The following PATJ variants were observed in gnomAD, a reference collection of about 807,000 sequenced individuals.
The protein encoded by PATJ is inaD-like protein.
In PATJ, 190 loss-of-function variants were observed where a neutral mutation model predicts 224.9. The observed-to-expected ratio is 0.84, with a 90% confidence interval of 0.75 to 0.95. The LOEUF (loss-of-function observed/expected upper bound fraction) is 0.95. PATJ is among the 40% of genes least tolerant of loss of function. The pLI is 0.00. For synonymous variants in PATJ, 769 were observed against 820.3 expected, an observed-to-expected ratio of 0.94 and a Z score of 1.07; for missense variants, 2,121 against 2,270.3, an observed-to-expected ratio of 0.93 and a Z score of 1.34.
At chr1:61,978,782 T>C (rs570502384) in intron 27 of PATJ, among the ~76,000 whole-genome samples, 1 of 152,184 alleles carries the variant, frequency 6.6e-6, no homozygotes, top group South Asian at 2.1e-4. Context: ...CTTTGTTATT[T>C]GGAAACAGAC....
At chr1:62,156,531 A>T (rs1459237727) in intron 43 of PATJ, among the ~76,000 whole-genome samples, 5 of 151,010 alleles carry the variant, frequency 3.3e-5, no homozygotes, top group Admixed American at 2.0e-4. Flanking sequence ...CTCAGTCTCA[A>T]AAAAAAAACC....
rs561434108 is a variant in PATJ, at chr1:62,157,368, A to G, written c.5503-3540A>G. On this transcript the variant is annotated intron_variant, in intron 43 of 43. Coordinates refer to ENST00000642238, the MANE Select transcript of PATJ (RefSeq NM_001350145.3). ...CTCAACTAAGAAATTATTTAATTCAACCCCTCCAGAAATTATTTAATTCAG... is the reference window on the plus strand; with the variant it reads ...CTCAACTAAGAAATTATTTAATTCAGCCCCTCCAGAAATTATTTAATTCAG... 4.0e-4 allele frequency among the ~76,000 whole-genome samples: 60 copies of G among 149,202 alleles called. 2 individuals carry two copies. In the East Asian group the frequency reaches 0.011, roughly 27 times the overall value.
chr1:61,856,033 C>T lies in PATJ; in HGVS notation c.2116C>T (p.Pro706Ser). 1 of 1,613,332 alleles carries T rather than the reference C, an allele frequency of 6.2e-7. No homozygotes were observed. The highest frequency in any genetic ancestry group is 8.5e-7 in the Non-Finnish European group (1 of 1,179,352). ...TTCTTCTTTGCTCGATTCACAGGAC[C>T]CTTTAGATCCTACAAGATCAGTGAT... ...LGFSILDYQD[P>S]LDPTRSVIVI... Residue 706 changes from proline (P) to serine (S), a missense_variant, in exon 18 of 44, where the codon CCT (proline) becomes TCT (serine). Pro to Ser is a moderately conservative substitution (Grantham distance 74, BLOSUM62 -1). Transcript: ENST00000642238.
intron 27 of PATJ, among the ~76,000 whole-genome samples, chr1:61,972,840 G>C (rs1466574710): frequency 6.7e-6 from 1 of 150,154 alleles, no homozygotes; most frequent in Non-Finnish European, 1.5e-5. Flanking sequence ...AGGGGAATTT[G>C]CAAAATAGAT....
chr1:62,133,553 C>A (rs1666484556), intron 41 of PATJ, among the ~76,000 whole-genome samples: 1 of 152,114 alleles, frequency 6.6e-6, no homozygotes, highest in South Asian at 2.1e-4. Context: ...TGCTGTCCAG[C>A]CTAGTCGAGA....
Position 61,777,703 on chromosome 1 carries a change from C to CTTTTT in PATJ, c.849+2389_849+2393dup, listed in dbSNP as rs66470863. Reference sequence around the variant, plus strand: ...TTCTTCCTTTTTTCTTTCTTTCTTTCTTTTTTTTTTTTTTTTTTTTTTTTA... The same window carrying CTTTTT: ...TTCTTCCTTTTTTCTTTCTTTCTTTCTTTTTTTTTTTTTTTTTTTTTTTTTTTTTA... On this transcript the variant is annotated intron_variant, in intron 7 of 43. Coordinates refer to ENST00000642238, the MANE Select transcript of PATJ (RefSeq NM_001350145.3). Among the ~76,000 whole-genome samples, 275 of 48,708 alleles carry CTTTTT rather than the reference C, an allele frequency of 5.6e-3. 17 individuals carry two copies. Among genetic ancestry groups the CTTTTT allele is most frequent in the South Asian group, 0.013 (13 of 978 alleles). The allele number at this position is 48,708 out of a possible 152,430, so 32.0% of individuals were successfully genotyped here.
intron 37 of PATJ, chr1:62,120,949 A>T (rs763429472): frequency 9.1e-6 from 4 of 439,302 alleles, no homozygotes; most frequent in Non-Finnish European, 1.6e-5. Context: ...GATTGAAACC[A>T]TATACAAAAG....
At chr1:61,985,429 T>C (rs1045184657) in intron 27 of PATJ, among the ~76,000 whole-genome samples, 7 of 152,064 alleles carry the variant, frequency 4.6e-5, no homozygotes, top group African/African-American at 1.7e-4. Context: ...CTGATAGGGG[T>C]CTTTTTTAAA....
intron 11 of PATJ, among the ~76,000 whole-genome samples, chr1:61,798,728 C>CA (rs1050746367): frequency 2.0e-5 from 3 of 151,368 alleles, no homozygotes; most frequent in African/African-American, 7.3e-5. Flanking sequence ...CCCTTCTCTA[C>CA]AAAAAATTAA....
At chr1:61,952,253 T>TGAGAAAGAGAGAGAGAGAGA (rs1679797898) in intron 27 of PATJ, 1 of 462,740 alleles carries the variant, frequency 2.2e-6, no homozygotes, top group African/African-American at 2.5e-5. Context: ...GAACAAAATC[T>TGAGAAAGAGAGAGAGAGAGA]GAGAGAGAGA....
intron 1 of PATJ, among the ~76,000 whole-genome samples, chr1:61,753,445 G>T (rs1166659602): frequency 6.6e-6 from 1 of 151,934 alleles, no homozygotes; most frequent in Non-Finnish European, 1.5e-5. Context: ...TTACATTCTT[G>T]TGAAGTACTG....
chr1:61,746,959 C>G (rs571222360), intron 1 of PATJ, among the ~76,000 whole-genome samples: 2 of 152,300 alleles, frequency 1.3e-5, no homozygotes, highest in East Asian at 3.9e-4. Flanking sequence ...TTTTCTAGTT[C>G]TTACAATTGC....
chr1:61,751,355 G>C (rs191566369), intron 1 of PATJ, among the ~76,000 whole-genome samples: 181 of 152,172 alleles, frequency 1.2e-3, no homozygotes, highest in African/African-American at 4.2e-3. Context: ...TCGGCAGTGC[G>C]GGTAAAATTG....
chr1:62,158,898 G>A (rs965748227), intron 43 of PATJ, among the ~76,000 whole-genome samples: 14 of 152,018 alleles, frequency 9.2e-5, no homozygotes, highest in South Asian at 6.2e-4. Context: ...GCAGTGAACC[G>A]AGATCGCACC....
rs79273831 is a variant in PATJ at position 62,081,528 on chromosome 1, G to A, written c.4243+1961G>A. 1.6e-3 allele frequency among the ~76,000 whole-genome samples: 242 copies of A among 152,160 alleles called. 3 individuals are homozygous for A. In the East Asian group the frequency reaches 0.022, roughly 14 times the overall value. ...TCTCTCTTCTCACTCAGGAGACTAC[G>A]CTAGTCATTTACAAAGGCAGTATAA... On this transcript the variant is annotated intron_variant, in intron 32 of 43. Coordinates refer to ENST00000642238, the MANE Select transcript of PATJ (RefSeq NM_001350145.3).
intron 5 of PATJ, among the ~76,000 whole-genome samples, 187 bp downstream of exon 5, chr1:61,769,609 T>C (rs549809204): frequency 1.3e-5 from 2 of 152,172 alleles, no homozygotes; most frequent in Non-Finnish European, 1.5e-5. Flanking sequence ...AGTTCCACTA[T>C]ATAGGTATCA....
At chr1:61,946,531 T>C (rs141057549) in intron 27 of PATJ, among the ~76,000 whole-genome samples, 6,518 of 152,118 alleles carry the variant, frequency 0.043, 496 homozygotes, top group African/African-American at 0.15. Context: ...AAGTTGACTC[T>C]CTGAATAGAC....
rs533524178 is a variant in PATJ, at chr1:61,945,534, G to A, written c.3670+17705G>A. Among the ~76,000 whole-genome samples the A allele has an allele frequency of 3.4e-4, 52 of 152,180 alleles. 1 individual carries two copies. The highest frequency in any genetic ancestry group is 1.2e-3 in the African/African-American group (49 of 41,524). On this transcript the variant is annotated intron_variant, in intron 27 of 43. Coordinates refer to ENST00000642238, the MANE Select transcript of PATJ (RefSeq NM_001350145.3). ...AATTCAACAAGAAGAGCTAACTATC[G>A]TAAATATATATGCACCCAATATAGG...
chr1:62,095,187 G>A (rs540618706), intron 33 of PATJ, among the ~76,000 whole-genome samples: 1 of 152,144 alleles, frequency 6.6e-6, no homozygotes, highest in Non-Finnish European at 1.5e-5. Flanking sequence ...GTACACTTGA[G>A]TGTTAGATTC....
Sources: gnomAD v4.1 joint callset for allele counts (sites outside exome capture counted in the v4.1 genomes callset) on GRCh38, gnomAD v4.1.1 for gene constraint, MANE v1.5 for transcripts, NCBI Gene and HGNC (gene_info 2026-07-23, HGNC 2026-07-21) for gene names.